The following RIMBP2 variants were observed in gnomAD, a reference collection of about 807,000 sequenced individuals.
RIMBP2 encodes RIMS-binding protein 2.
RIMBP2 carries 48 observed loss-of-function variants against 118.6 expected under a neutral mutation model. That is an observed-to-expected ratio of 0.40 (90% CI 0.32 to 0.51). The LOEUF (loss-of-function observed/expected upper bound fraction) is 0.51. RIMBP2 is among the 20% of genes least tolerant of loss of function. RIMBP2 has a pLI of 0.41. For synonymous variants in RIMBP2, 762 were observed against 742.9 expected, an observed-to-expected ratio of 1.03 and a Z score of -0.42; for missense variants, 1,551 against 1,768.3, an observed-to-expected ratio of 0.88 and a Z score of 2.20.
intron 7 of RIMBP2, 74 bp downstream of exon 7, chr12:130,456,422 T>G: frequency 1.5e-6 from 2 of 1,360,304 alleles, no homozygotes; most frequent in Non-Finnish European, 2.0e-6. Flanking sequence ...CGATTTCACC[T>G]GTGCACACCC....
Position 130,436,884 on chromosome 12 carries a change from G to A in RIMBP2, c.2064C>T (p.Ala688=). The A allele has an allele frequency of 1.3e-6, 2 of 1,576,124 alleles. No individual in the cohort carries two copies. Among genetic ancestry groups the A allele is most frequent in the Non-Finnish European group, 1.7e-6 (2 of 1,163,092 alleles). The change falls in exon 13 of 23, where the codon GCC becomes GCT. Residue 688 remains alanine (A), a synonymous_variant. Coordinates refer to ENST00000690449, the MANE Select transcript of RIMBP2 (RefSeq NM_001393629.1). ...CCCTCTGCGCGGCCTCCCGGGCCAT[G>A]GCCTTGGCGACGGTGGTGGACACCG... is the stretch of plus-strand genomic sequence containing the variant. ...GTPVSTTVAK[A]MAREAAQRVA...
chr12:130,564,884 C>CCA (rs1044185073), intron 2 of RIMBP2, among the ~76,000 whole-genome samples: 20 of 152,098 alleles, frequency 1.3e-4, no homozygotes, highest in African/African-American at 4.8e-4. Flanking sequence ...AGTGTTCTTA[C>CCA]CACACACACA....
rs74562177 is a variant in RIMBP2 at position 130,402,759 on chromosome 12, G to A, written c.3766-2946C>T. Among the ~76,000 whole-genome samples, 210 of 152,304 alleles carry A rather than the reference G, an allele frequency of 1.4e-3. 2 individuals carry two copies. The East Asian group carries it at 0.034, about 25-fold the overall frequency. On this transcript the variant is annotated intron_variant, in intron 21 of 22. Coordinates refer to ENST00000690449, the MANE Select transcript of RIMBP2 (RefSeq NM_001393629.1). ...CCCTCCCAGTTTTCTCTGTGCCCCAGTCAGTGAGACATCCACTCGTGTTTG... is the reference window on the plus strand; with the variant it reads ...CCCTCCCAGTTTTCTCTGTGCCCCAATCAGTGAGACATCCACTCGTGTTTG...
intron 2 of RIMBP2, among the ~76,000 whole-genome samples, chr12:130,539,952 AG>A (rs1566227627): frequency 0.01 from 36 of 3,442 alleles, 1 homozygote; most frequent in Non-Finnish European, 0.036. Flanking sequence ...CAAATGCAGT[AG>A]ATGAGGTGGC....
intron 2 of RIMBP2, among the ~76,000 whole-genome samples, chr12:130,537,473 C>T (rs1245782790): frequency 1.3e-5 from 2 of 152,228 alleles, no homozygotes; most frequent in Non-Finnish European, 2.9e-5. Context: ...AGAACCCCCA[C>T]ATGTTTGCCA....
At position 130,424,061 on chromosome 12, in the gene RIMBP2, C is replaced by T. The variant is rs1843039503; in HGVS notation, c.3129+81G>A. Reference sequence around the variant, plus strand: ...CAAGAGAGTCCCCAGGGATGGACACCAGAACAAACAGAAAACCAGTGAAAG... The same window carrying T: ...CAAGAGAGTCCCCAGGGATGGACACTAGAACAAACAGAAAACCAGTGAAAG... On this transcript the variant is annotated intron_variant, in intron 16 of 22. Coordinates refer to ENST00000690449, the MANE Select transcript of RIMBP2 (RefSeq NM_001393629.1). This position sits in a 1 kb window ranked among gnomAD's most constrained non-coding sequence, Gnocchi z 9.8. The T allele has an allele frequency of 2.6e-6, 2 of 759,674 alleles. No homozygotes were observed. The highest frequency in any genetic ancestry group is 4.3e-5 in the Admixed American group (1 of 23,126). 47.1% of individuals were successfully genotyped at this position (759,674 alleles called of 1,614,324 possible).
Position 130,703,480 on chromosome 12 carries a change from C to T in RIMBP2, c.-352+12742G>A, listed in dbSNP as rs910874802. Among the ~76,000 whole-genome samples the T allele has an allele frequency of 9.2e-5, 14 of 152,210 alleles. No homozygotes were observed. The highest frequency in any genetic ancestry group is 1.8e-4 in the Non-Finnish European group (12 of 68,036). On this transcript the variant is annotated intron_variant, in intron 1 of 22. Transcript: ENST00000690449. The surrounding 1 kb of genome is among the most constrained non-coding windows in gnomAD (Gnocchi z 5.7). ...TGGCACGGGCACTCCCTCGGCCACC[C>T]GCCTGCCCTCCCCAATCCCTCACCC...
rs1387194108 is a variant in RIMBP2 at position 130,450,899 on chromosome 12, C to A, written c.504+296G>T. ...CCCCTCCCGGCCAGCTCTGCGTCAA[C>A]AGCCTTGCTGCGTCATCCTTGCACC... is the stretch of plus-strand genomic sequence containing the variant. On this transcript the variant is annotated intron_variant, in intron 8 of 22. Coordinates refer to ENST00000690449, the MANE Select transcript of RIMBP2 (RefSeq NM_001393629.1). The surrounding 1 kb of genome is among the most constrained non-coding windows in gnomAD (Gnocchi z 4.8). Among the ~76,000 whole-genome samples the A allele has an allele frequency of 2.0e-5, 3 of 152,196 alleles. No individual in the cohort carries two copies. Among genetic ancestry groups the A allele is most frequent in the Non-Finnish European group, 4.4e-5 (3 of 68,042 alleles).
At chr12:130,698,489 C>T (rs2065681227) in intron 1 of RIMBP2, among the ~76,000 whole-genome samples, 1 of 152,200 alleles carries the variant, frequency 6.6e-6, no homozygotes, top group Non-Finnish European at 1.5e-5. Context: ...GACGCAGTGG[C>T]TCACACCTGT....
chr12:130,643,890 C>G (rs545448101), intron 1 of RIMBP2, among the ~76,000 whole-genome samples: 11 of 152,168 alleles, frequency 7.2e-5, no homozygotes, highest in Non-Finnish European at 1.3e-4. Context: ...CGAGGGGCAG[C>G]GATTTTAGAC....
At chr12:130,605,912 A>G (rs893630640) in intron 2 of RIMBP2, among the ~76,000 whole-genome samples, 1 of 152,056 alleles carries the variant, frequency 6.6e-6, no homozygotes, top group Non-Finnish European at 1.5e-5. Context: ...GAAAATTCAG[A>G]AAAAAATTAG....
chr12:130,690,911 A>G (rs1286261537), intron 1 of RIMBP2, among the ~76,000 whole-genome samples: 6 of 151,872 alleles, frequency 4.0e-5, no homozygotes. Flanking sequence ...AATTCACACC[A>G]GCCCACAGGG....
chr12:130,635,500 C>A, intron 1 of RIMBP2, among the ~76,000 whole-genome samples: 1 of 152,156 alleles, frequency 6.6e-6, no homozygotes, highest in Non-Finnish European at 1.5e-5. Flanking sequence ...ATTGGTGGCA[C>A]CTGCCCTGTG....
intron 2 of RIMBP2, among the ~76,000 whole-genome samples, chr12:130,626,911 TC>T (rs1006135914): frequency 6.7e-6 from 1 of 150,280 alleles, no homozygotes; most frequent in Non-Finnish European, 1.5e-5. Flanking sequence ...CACCATCTTC[TC>T]CATCACGACT....
At position 130,523,837 on chromosome 12, in the gene RIMBP2, A is replaced by G. The variant is rs1480382113; in HGVS notation, c.-216-5920T>C. Among the ~76,000 whole-genome samples the G allele has an allele frequency of 6.6e-6, 1 of 152,064 alleles. No individual in the cohort carries two copies. ...GTCAGGAACGCCAGTTGCTATGGGG[A>G]GAGGTGAGAGGAATTCTCGGTATCT... On this transcript the variant is annotated intron_variant, in intron 2 of 22. Coordinates refer to ENST00000690449, the MANE Select transcript of RIMBP2 (RefSeq NM_001393629.1). This position sits in a 1 kb window ranked among gnomAD's most constrained non-coding sequence, Gnocchi z 4.4.
intron 2 of RIMBP2, among the ~76,000 whole-genome samples, chr12:130,589,672 G>C (rs558741628): frequency 6.6e-6 from 1 of 152,116 alleles, no homozygotes; most frequent in Admixed American, 6.5e-5. Flanking sequence ...TAATCCTTCC[G>C]CAATGTATAA....
intron 2 of RIMBP2, among the ~76,000 whole-genome samples, chr12:130,572,217 G>A (rs995342415): frequency 1.2e-5 from 1 of 84,932 alleles, no homozygotes; most frequent in Admixed American, 1.2e-4. Flanking sequence ...ACCCACAGAC[G>A]TGTTAGGAGG....
intron 2 of RIMBP2, among the ~76,000 whole-genome samples, chr12:130,593,924 G>A (rs558188492): frequency 2.3e-4 from 35 of 152,268 alleles, no homozygotes; most frequent in African/African-American, 7.9e-4. Flanking sequence ...ATGTTATGAG[G>A]TTCTCTTCTG....
intron 1 of RIMBP2, among the ~76,000 whole-genome samples, chr12:130,674,551 C>A (rs1468994500): frequency 6.6e-6 from 1 of 152,136 alleles, no homozygotes; most frequent in Non-Finnish European, 1.5e-5. Context: ...CGGCATACAC[C>A]AACACCCCTG....
Sources: gnomAD v4.1 joint callset for allele counts (sites outside exome capture counted in the v4.1 genomes callset) on GRCh38, gnomAD v4.1.1 for gene constraint, Gnocchi (gnomAD v3.1) non-coding constraint, MANE v1.5 for transcripts, NCBI Gene and HGNC (gene_info 2026-07-23, HGNC 2026-07-21) for gene names.